SENP2: variants seen among roughly 807,000 people sequenced by gnomAD.
SENP2 encodes the protein SUMO specific peptidase 2, also known as sentrin-specific protease 2.
SENP2 carries 16 observed loss-of-function variants against 86.3 expected under a neutral mutation model. The ratio of observed to expected loss-of-function variants is 0.19; its 90% CI spans 0.13 to 0.28. The LOEUF is 0.28. Ranked by LOEUF, SENP2 falls within the 10% of genes least tolerant of loss-of-function variation. The pLI is 1.00. For synonymous variants in SENP2, 222 were observed against 238.7 expected (o/e 0.93, Z 0.64); for missense variants, 552 against 703.0 (o/e 0.79, Z 2.43).
intron 5 of SENP2, among the ~76,000 whole-genome samples, chr3:185,603,158 C>T (rs59082903): frequency 0.085 from 12,942 of 151,700 alleles, 855 homozygotes; most frequent in South Asian, 0.34. Flanking sequence ...GTGATCCAAC[C>T]GCCTCGGCCT....
chr3:185,610,312 C>T lies in SENP2; in HGVS notation c.722+962C>T, dbSNP rs562806320. On this transcript the variant is annotated intron_variant, in intron 7 of 16. Coordinates refer to ENST00000296257, the MANE Select transcript of SENP2 (RefSeq NM_021627.3). ...AGTAGCTGGGATTACAGGCGTCCACCGCCACGCCCAGCTAATTTTTTGTAT... is the reference window on the plus strand; with the variant it reads ...AGTAGCTGGGATTACAGGCGTCCACTGCCACGCCCAGCTAATTTTTTGTAT... Among the ~76,000 whole-genome samples the T allele has an allele frequency of 1.8e-4, 27 of 152,098 alleles. No homozygotes were observed. In the East Asian group the frequency reaches 3.5e-3, roughly 20 times the overall value.
chr3:185,617,114 A>G (rs1181702503), intron 11 of SENP2, among the ~76,000 whole-genome samples: 1 of 152,184 alleles, frequency 6.6e-6, no homozygotes, highest in Non-Finnish European at 1.5e-5. Context: ...TAAGTGAACC[A>G]GGATTTGTTG....
intron 7 of SENP2, 79 bp downstream of exon 7, chr3:185,609,429 G>T: frequency 9.8e-7 from 1 of 1,016,532 alleles, no homozygotes; most frequent in South Asian, 1.4e-5. Context: ...GGTGGGAAGG[G>T]CTTTACTGAA....
intron 6 of SENP2, chr3:185,606,774 T>C: frequency 1.9e-6 from 1 of 513,904 alleles, no homozygotes. Flanking sequence ...CGGCCACGTG[T>C]GCTCAGTGAG....
At chr3:185,599,752 A>C (rs535607060) in intron 4 of SENP2, among the ~76,000 whole-genome samples, 4 of 152,282 alleles carry the variant, frequency 2.6e-5, no homozygotes, top group Non-Finnish European at 5.9e-5. Flanking sequence ...AAGGAGAATA[A>C]ATACATACCC....
chr3:185,624,875 AAAAAG>A (rs1478123357), intron 15 of SENP2, among the ~76,000 whole-genome samples: 2 of 151,978 alleles, frequency 1.3e-5, no homozygotes, highest in Non-Finnish European at 2.9e-5. Context: ...CAAAAAAAAA[AAAAAG>A]AAAAAGAAAA....
Position 185,621,832 on chromosome 3 carries a change from G to T in SENP2, c.1453G>T (p.Asp485Tyr). The T allele has an allele frequency of 1.9e-6, 3 of 1,595,486 alleles. No individual in the cohort carries two copies. Among genetic ancestry groups the T allele is most frequent in the South Asian group, 2.2e-5 (2 of 90,180 alleles). ...RKVHWSLVVI[D>Y]LRKKCLKYLD... ...TTATCTTTTTCCATTATAGGTGATT[G>T]ACCTAAGAAAAAAGTGTCTTAAATA... The change falls in exon 14 of 17, where the codon GAC (aspartate) becomes TAC (tyrosine). Residue 485 changes from aspartate (D) to tyrosine (Y), a missense_variant. By Grantham distance (160) the Asp-to-Tyr change is radical (BLOSUM62 -3). Coordinates refer to ENST00000296257, the MANE Select transcript of SENP2 (RefSeq NM_021627.3).
At chr3:185,590,239 A>G (rs940671645) in intron 2 of SENP2, 70 bp downstream of exon 2, 16 of 801,240 alleles carry the variant, frequency 2.0e-5, no homozygotes, top group African/African-American at 3.6e-5. Flanking sequence ...ACAAAATTCA[A>G]AAGGTAAAAA....
chr3:185,592,011 C>CTTTTTTGTTTTTTTTTTTTTTT (rs1722018956), intron 2 of SENP2, among the ~76,000 whole-genome samples: 1 of 65,804 alleles, frequency 1.5e-5, no homozygotes, highest in Non-Finnish European at 2.7e-5. Flanking sequence ...GGTAATATTT[C>CTTTTTTGTTTTTTTTTTTTTTT]TTTTTTTTTT....
At position 185,607,319 on chromosome 3, in the gene SENP2, C is replaced by CTTT. The variant is rs758884593; in HGVS notation, c.618+845_618+847dup. The stretch of plus-strand genomic sequence containing the variant: ...TATTAGGAAGAGATAAGATTAGATT[C>CTTT]TTTTTTTTTTTTTTTTTTTTTTTTT... On this transcript the variant is annotated intron_variant, in intron 6 of 16. Coordinates refer to ENST00000296257, the MANE Select transcript of SENP2 (RefSeq NM_021627.3). Among the ~76,000 whole-genome samples, 331 of 66,038 alleles carry CTTT rather than the reference C, an allele frequency of 5.0e-3. 56 individuals are homozygous for CTTT. The highest frequency in any genetic ancestry group is 9.3e-3 in the Admixed American group (54 of 5,814). 43.3% of individuals were successfully genotyped at this position (66,038 alleles called of 152,430 possible).
At chr3:185,589,797 G>T (rs574120637) in intron 1 of SENP2, among the ~76,000 whole-genome samples, 1 of 152,054 alleles carries the variant, frequency 6.6e-6, no homozygotes, top group Non-Finnish European at 1.5e-5. Context: ...GTGTAGCTGG[G>T]ACCACACTCA....
At chr3:185,603,159 G>A (rs900161178) in intron 5 of SENP2, among the ~76,000 whole-genome samples, 1 of 151,954 alleles carries the variant, frequency 6.6e-6, no homozygotes, top group African/African-American at 2.4e-5. Flanking sequence ...TGATCCAACC[G>A]CCTCGGCCTC....
chr3:185,592,159 G>C (rs1020908127), intron 2 of SENP2, among the ~76,000 whole-genome samples: 1 of 151,046 alleles, frequency 6.6e-6, no homozygotes, highest in East Asian at 1.9e-4. Context: ...GCTCACTGCA[G>C]TCTCAAACTC....
Position 185,598,987 on chromosome 3 carries a change from G to A in SENP2, c.321G>A (p.Leu107=). Residue 107 remains leucine (L), a synonymous_variant, in exon 4 of 17, where the codon CTG becomes CTA. Coordinates refer to ENST00000296257, the MANE Select transcript of SENP2 (RefSeq NM_021627.3). ...EVFSNSSSCE[L]TGSGSWNNML... ...TTTCGAACTCTTCATCTTGTGAACT[G>A]ACAGGTTCTGGATCCTGGAACAACA... is the stretch of plus-strand genomic sequence containing the variant. The A allele has an allele frequency of 6.2e-7, 1 of 1,613,294 alleles. No homozygotes were observed. Among genetic ancestry groups the A allele is most frequent in the South Asian group, 1.1e-5 (1 of 90,886 alleles).
chr3:185,588,663 C>T (rs1721879921), intron 1 of SENP2, among the ~76,000 whole-genome samples: 3 of 152,076 alleles, frequency 2.0e-5, no homozygotes, highest in African/African-American at 7.2e-5. Context: ...CATGGTTTTG[C>T]CTTATTTTTC....
chr3:185,617,681 C>A, intron 12 of SENP2, 70 bp downstream of exon 12: 1 of 1,374,086 alleles, frequency 7.3e-7, no homozygotes, highest in South Asian at 1.5e-5. Context: ...ATCAAAGTGA[C>A]TCCTACCCAG....
chr3:185,598,518 A>G lies in SENP2; in HGVS notation c.264A>G (p.Gly88=). The G allele has an allele frequency of 6.2e-7, 1 of 1,614,028 alleles. No homozygotes were observed. The highest frequency in any genetic ancestry group is 8.5e-7 in the Non-Finnish European group (1 of 1,179,994). Residue 88 remains glycine (G), a synonymous_variant, in exon 3 of 17, where the codon GGA becomes GGG. Transcript: ENST00000296257. ...CCATGGTAACTTCTGCTTGTAATGG[A>G]ACACGGAATGTGGCCCCTTCAGGAG... ...TKPMVTSACN[G]TRNVAPSGEV...
At chr3:185,621,038 G>C (rs1460120690) in intron 13 of SENP2, among the ~76,000 whole-genome samples, 1 of 150,916 alleles carries the variant, frequency 6.6e-6, no homozygotes, top group African/African-American at 2.4e-5. Flanking sequence ...TGGGCATGGT[G>C]GTGCACACCT....
At chr3:185,612,803 T>C in intron 9 of SENP2, 145 bp downstream of exon 9, 1 of 583,688 alleles carries the variant, frequency 1.7e-6, no homozygotes, top group African/African-American at 1.9e-5. Context: ...GATAGGTAGC[T>C]AGCTGTTGTG....
Sources: allele counts gnomAD v4.1 joint callset (sites outside exome capture counted in the v4.1 genomes callset), GRCh38; gene constraint gnomAD v4.1.1; transcripts MANE v1.5; gene names NCBI Gene and HGNC (gene_info 2026-07-23, HGNC 2026-07-21).